POLR3B: variants seen among roughly 807,000 people sequenced by gnomAD.
POLR3B encodes the protein RNA polymerase III subunit B, also known as DNA-directed RNA polymerase III subunit RPC2.
A neutral mutation model predicts 147.4 loss-of-function variants in POLR3B; 96 were observed. The observed-to-expected ratio is 0.65, with a 90% CI of 0.55 to 0.77. POLR3B has a LOEUF of 0.77. POLR3B is among the 30% of genes least tolerant of loss of function. The pLI is 0.00. For missense variants in POLR3B, 1,036 were observed against 1,413.5 expected, an observed-to-expected ratio of 0.73 and a Z score of 4.28; for synonymous variants, 461 against 485.9, an observed-to-expected ratio of 0.95 and a Z score of 0.67.
chr12:106,446,415 C>CCCA, intron 19 of POLR3B: 1 of 127,540 alleles, frequency 7.8e-6, no homozygotes, highest in Non-Finnish European at 1.5e-5. Flanking sequence ...CTCCTCTCCC[C>CCCA]ACAAAAAAAA....
At chr12:106,476,007 G>A (rs1040242016) in intron 23 of POLR3B, among the ~76,000 whole-genome samples, 60 of 151,274 alleles carry the variant, frequency 4.0e-4, no homozygotes, top group African/African-American at 1.4e-3. Context: ...GCTGGTACCG[G>A]TTGTTCCTTT....
chr12:106,482,039 C>T (rs1467035998), intron 23 of POLR3B, among the ~76,000 whole-genome samples: 1 of 152,152 alleles, frequency 6.6e-6, no homozygotes, highest in Non-Finnish European at 1.5e-5. Flanking sequence ...TACATAAATG[C>T]TAACAATCAT....
At chr12:106,487,640 G>A (rs1044471071) in intron 23 of POLR3B, among the ~76,000 whole-genome samples, 2 of 122,278 alleles carry the variant, frequency 1.6e-5, no homozygotes, top group African/African-American at 6.2e-5. Flanking sequence ...GGTGCCCAAT[G>A]CCTCTTCAGA....
intron 7 of POLR3B, among the ~76,000 whole-genome samples, chr12:106,377,165 T>C (rs1593005871): frequency 6.6e-6 from 1 of 152,218 alleles, no homozygotes. Flanking sequence ...TATTTTTTTG[T>C]TTACATTTTT....
intron 21 of POLR3B, among the ~76,000 whole-genome samples, chr12:106,457,705 A>G (rs1489878537): frequency 4.6e-5 from 7 of 152,214 alleles, no homozygotes; most frequent in African/African-American, 1.7e-4. Flanking sequence ...TTGATGAAAC[A>G]AATAGCCCTT....
intron 18 of POLR3B, among the ~76,000 whole-genome samples, chr12:106,440,683 G>A (rs1012574273): frequency 1.3e-5 from 2 of 151,546 alleles, no homozygotes; most frequent in African/African-American, 4.8e-5. Context: ...GACCACTCTA[G>A]TGAAAGTAGA....
At chr12:106,440,472 C>T (rs1240983643) in intron 18 of POLR3B, among the ~76,000 whole-genome samples, 1 of 152,156 alleles carries the variant, frequency 6.6e-6, no homozygotes, top group Non-Finnish European at 1.5e-5. Context: ...CACAATCTGC[C>T]CACTTCCATT....
chr12:106,477,902 T>TA, intron 23 of POLR3B, among the ~76,000 whole-genome samples: 1 of 119,452 alleles, frequency 8.4e-6, no homozygotes, highest in Non-Finnish European at 1.8e-5. Context: ...TTTTTTTTTT[T>TA]TTTTTTTTTT....
intron 11 of POLR3B, among the ~76,000 whole-genome samples, chr12:106,408,010 T>G (rs1387028829): frequency 6.6e-6 from 1 of 152,296 alleles, no homozygotes; most frequent in East Asian, 1.9e-4. Context: ...AAAGGATGAT[T>G]TTCAGTGATA....
chr12:106,409,346 G>GTTTTTTTTTTTT lies in POLR3B; in HGVS notation c.967-1472_967-1471insTTTTTTTTTTTT, dbSNP rs138257827. On this transcript the variant is annotated intron_variant, in intron 11 of 27. Coordinates refer to ENST00000228347, the MANE Select transcript of POLR3B (RefSeq NM_018082.6). ...TAACTGGTGTTACGATTGTAAGAGG[G>GTTTTTTTTTTTT]TTTTTTTTGTTTTTTTTTTTTTTTT... is the stretch of plus-strand genomic sequence containing the variant. Among the ~76,000 whole-genome samples, 42 of 67,472 alleles carry GTTTTTTTTTTTT rather than the reference G, an allele frequency of 6.2e-4. 8 individuals carry two copies. Among genetic ancestry groups the GTTTTTTTTTTTT allele is most frequent in the African/African-American group, 2.9e-3 (36 of 12,382 alleles). 44.3% of individuals were successfully genotyped at this position (67,472 alleles called of 152,430 possible). A position where few individuals can be genotyped will look rare whatever the true frequency, so the allele number is the denominator to read the frequency against.
At chr12:106,458,839 T>C (rs2037897404) in intron 21 of POLR3B, among the ~76,000 whole-genome samples, 1 of 152,094 alleles carries the variant, frequency 6.6e-6, no homozygotes, top group Admixed American at 6.5e-5. Context: ...CAAAGAAATA[T>C]TTTGATTTCC....
At chr12:106,501,253 G>A (rs2038595798) in intron 25 of POLR3B, 70 bp from the exon 26 acceptor site, 1 of 899,046 alleles carries the variant, frequency 1.1e-6, no homozygotes, top group Non-Finnish European at 1.9e-6. Flanking sequence ...TGCCAGTGAT[G>A]GGTCCAAAGG....
At chr12:106,409,294 A>T (rs1306207096) in intron 11 of POLR3B, among the ~76,000 whole-genome samples, 3 of 146,088 alleles carry the variant, frequency 2.1e-5, no homozygotes, top group African/African-American at 7.8e-5. Flanking sequence ...CTGCCCAGAC[A>T]CTGAGTTTTT....
At chr12:106,466,088 A>C (rs1370540219) in intron 23 of POLR3B, among the ~76,000 whole-genome samples, 1 of 152,092 alleles carries the variant, frequency 6.6e-6, no homozygotes, top group African/African-American at 2.4e-5. Flanking sequence ...AAGTGTTCCT[A>C]TTTTTCTATA....
chr12:106,388,409 CCTG>C (rs2136911937), intron 9 of POLR3B, among the ~76,000 whole-genome samples: 1 of 152,164 alleles, frequency 6.6e-6, no homozygotes, highest in South Asian at 2.1e-4. Context: ...CCTCCAACTC[CCTG>C]GTTCAAGCGA....
At chr12:106,424,672 A>G (rs1422251028) in intron 12 of POLR3B, among the ~76,000 whole-genome samples, 2 of 152,152 alleles carry the variant, frequency 1.3e-5, no homozygotes, top group Non-Finnish European at 2.9e-5. Flanking sequence ...AATTTCCTCC[A>G]GAAGTGAATA....
At chr12:106,442,802 C>T (rs778301064) in intron 18 of POLR3B, among the ~76,000 whole-genome samples, 10 of 152,086 alleles carry the variant, frequency 6.6e-5, no homozygotes, top group Non-Finnish European at 1.3e-4. Flanking sequence ...AGCGGGTCCA[C>T]AGAGATCACA....
chr12:106,426,222 TTG>T (rs35090518), intron 12 of POLR3B, among the ~76,000 whole-genome samples: 7,784 of 131,036 alleles, frequency 0.059, 248 homozygotes, highest in Middle Eastern at 0.079. Flanking sequence ...GGCCTGCAAT[TTG>T]TGTGTGTGTG....
At chr12:106,494,424 A>T (rs2038446614) in intron 23 of POLR3B, among the ~76,000 whole-genome samples, 1 of 152,102 alleles carries the variant, frequency 6.6e-6, no homozygotes, top group Non-Finnish European at 1.5e-5. Flanking sequence ...TTGTTTTTTC[A>T]GGGGTATAGC....
Sources: gnomAD v4.1 joint callset for allele counts (sites outside exome capture counted in the v4.1 genomes callset) on GRCh38, gnomAD v4.1.1 for gene constraint, MANE v1.5 for transcripts, NCBI Gene and HGNC (gene_info 2026-07-23, HGNC 2026-07-21) for gene names.